The following SLC38A9 variants were observed in gnomAD, a reference collection of about 807,000 sequenced individuals.
SLC38A9 encodes the protein neutral amino acid transporter 9.
Under a neutral mutation model 62.3 loss-of-function variants are expected in SLC38A9, and 48 were observed. That is an observed-to-expected ratio of 0.77 (90% CI 0.61 to 0.98). The LOEUF is 0.98. SLC38A9 is among the 50% of genes least tolerant of loss of function. The pLI, the probability that SLC38A9 is intolerant of heterozygous loss-of-function variation, is 0.00. For synonymous variants in SLC38A9, 204 were observed against 227.7 expected, an observed-to-expected ratio of 0.90 and a Z score of 0.94; for missense variants, 541 against 679.8, an observed-to-expected ratio of 0.80 and a Z score of 2.27.
intron 2 of SLC38A9, among the ~76,000 whole-genome samples, chr5:55,702,078 C>T (rs921676161): frequency 5.3e-5 from 8 of 152,138 alleles, no homozygotes; most frequent in African/African-American, 1.9e-4. Context: ...CTAAATGTAA[C>T]ATTTATGAAA....
intron 10 of SLC38A9, among the ~76,000 whole-genome samples, chr5:55,652,032 TA>T (rs60466031): frequency 3.4e-5 from 5 of 145,894 alleles, no homozygotes; most frequent in East Asian, 2.0e-4. Flanking sequence ...CCAAACTCCA[TA>T]AAAAAAAATA....
chr5:55,667,572 T>C (rs201229378), intron 7 of SLC38A9, among the ~76,000 whole-genome samples: 1 of 149,246 alleles, frequency 6.7e-6, no homozygotes, highest in South Asian at 2.1e-4. Flanking sequence ...ACAGGATATG[T>C]TTTGATATAC....
At chr5:55,651,701 C>G (rs1412757261) in intron 10 of SLC38A9, among the ~76,000 whole-genome samples, 1 of 152,076 alleles carries the variant, frequency 6.6e-6, no homozygotes, top group African/African-American at 2.4e-5. Context: ...ACCTACGAAG[C>G]CTGAGATAGA....
chr5:55,675,781 G>A (rs1360043233), intron 3 of SLC38A9, among the ~76,000 whole-genome samples: 1 of 152,052 alleles, frequency 6.6e-6, no homozygotes, highest in East Asian at 1.9e-4. Flanking sequence ...TTTAATACAT[G>A]TATAAACAGA....
At chr5:55,677,740 G>A (rs185927943) in intron 3 of SLC38A9, among the ~76,000 whole-genome samples, 55 of 149,582 alleles carry the variant, frequency 3.7e-4, no homozygotes, top group African/African-American at 1.3e-3. Flanking sequence ...AGATGGGGCT[G>A]TTATGTTGCC....
intron 4 of SLC38A9, among the ~76,000 whole-genome samples, chr5:55,670,167 A>G (rs971034054): frequency 2.1e-4 from 31 of 146,388 alleles, no homozygotes; most frequent in African/African-American, 7.5e-4. Flanking sequence ...GGGTTTCACC[A>G]TGTTAGCCAG....
chr5:55,683,582 C>G (rs754579932), intron 3 of SLC38A9, among the ~76,000 whole-genome samples: 1 of 152,144 alleles, frequency 6.6e-6, no homozygotes, highest in African/African-American at 2.4e-5. Context: ...TTCCTAGACA[C>G]ATATATGTAC....
At position 55,673,781 on chromosome 5, in the gene SLC38A9, G is replaced by A. The variant is rs1284499048; in HGVS notation, c.114-1086C>T. The stretch of plus-strand genomic sequence containing the variant: ...GGCTGGAGTGCAGTGGTGCGATCTC[G>A]GCTCACTGCAACCTCCACCTCCTGA... On this transcript the variant is annotated intron_variant, in intron 3 of 15. Coordinates refer to ENST00000396865, the MANE Select transcript of SLC38A9 (RefSeq NM_173514.4). Among the ~76,000 whole-genome samples, 9 of 148,790 alleles carry A rather than the reference G, an allele frequency of 6.0e-5. No individual in the cohort carries two copies. In the South Asian group the frequency reaches 8.5e-4, roughly 14 times the overall value.
At chr5:55,675,339 A>T (rs1461192291) in intron 3 of SLC38A9, 1 of 152,246 alleles carries the variant, frequency 6.6e-6, no homozygotes, top group Non-Finnish European at 1.5e-5. Flanking sequence ...TGCCTGTTCA[A>T]ACAAATATTT....
chr5:55,665,141 T>A (rs1046553712), intron 7 of SLC38A9: 10 of 182,466 alleles, frequency 5.5e-5, no homozygotes, highest in Non-Finnish European at 1.1e-4. Context: ...GACAAATGCA[T>A]CAGTAAGGGC....
At chr5:55,640,698 G>A (rs1745321962) in intron 12 of SLC38A9, among the ~76,000 whole-genome samples, 1 of 152,130 alleles carries the variant, frequency 6.6e-6, no homozygotes, top group African/African-American at 2.4e-5. Flanking sequence ...AAATTACTAT[G>A]CAACCTGAAA....
chr5:55,694,628 T>C (rs1345085180), intron 3 of SLC38A9, among the ~76,000 whole-genome samples: 1 of 152,124 alleles, frequency 6.6e-6, no homozygotes, highest in Non-Finnish European at 1.5e-5. Flanking sequence ...ATTTTTATAA[T>C]TGCACAAGAA....
chr5:55,671,611 A>T (rs1338944496), intron 4 of SLC38A9, among the ~76,000 whole-genome samples: 3 of 150,566 alleles, frequency 2.0e-5, no homozygotes, highest in African/African-American at 7.3e-5. Flanking sequence ...TAATCCCAGC[A>T]CCTCAGGGTG....
At chr5:55,702,358 C>T (rs1413881895) in intron 2 of SLC38A9, among the ~76,000 whole-genome samples, 1 of 151,590 alleles carries the variant, frequency 6.6e-6, no homozygotes, top group Non-Finnish European at 1.5e-5. Context: ...ACCTCTTGGG[C>T]TCCAGTGATC....
chr5:55,659,062 T>C lies in SLC38A9; in HGVS notation c.698-2288A>G, dbSNP rs895387455. Reference sequence around the variant, plus strand: ...TTATCTCGAGATGCAGAATAAATACTTGATAAAATTCAACCACTTTAATAA... The same window carrying C: ...TTATCTCGAGATGCAGAATAAATACCTGATAAAATTCAACCACTTTAATAA... On this transcript the variant is annotated intron_variant, in intron 8 of 15. Transcript: ENST00000396865. Among the ~76,000 whole-genome samples the C allele has an allele frequency of 2.6e-5, 4 of 152,320 alleles. No individual in the cohort carries two copies. In the East Asian group the frequency reaches 7.7e-4, roughly 29 times the overall value.
intron 8 of SLC38A9, among the ~76,000 whole-genome samples, chr5:55,659,851 C>T (rs1260389189): frequency 6.6e-6 from 1 of 151,852 alleles, no homozygotes; most frequent in Non-Finnish European, 1.5e-5. Context: ...CTGCAAGCTC[C>T]GCCCCCCAGG....
In SLC38A9 at chr5:55,687,525, G is replaced by A. The variant is rs150035116; in HGVS notation, c.113+10321C>T. ...GCATTGAATCTATAAATTGCTTAGG[G>A]CAGTATGGCCATTTTAATGATATTG... is the stretch of plus-strand genomic sequence containing the variant. On this transcript the variant is annotated intron_variant, in intron 3 of 15. Transcript: ENST00000396865. 6.8e-3 allele frequency among the ~76,000 whole-genome samples: 1,035 copies of A among 151,960 alleles called. 12 individuals are homozygous for A. Among genetic ancestry groups the A allele is most frequent in the African/African-American group, 0.024 (997 of 41,420 alleles).
At position 55,683,777 on chromosome 5, in the gene SLC38A9, C is replaced by T. The variant is rs539046484; in HGVS notation, c.114-11082G>A. Among the ~76,000 whole-genome samples the T allele has an allele frequency of 9.2e-5, 14 of 152,242 alleles. No individual in the cohort carries two copies. In the South Asian group the frequency reaches 2.5e-3, roughly 27 times the overall value. On this transcript the variant is annotated intron_variant, in intron 3 of 15. Transcript: ENST00000396865. Reference sequence around the variant, plus strand: ...AACATTCCATTATATAAAAACACAACAATTTACTTATCCATTCCTGTGATG... The same window carrying T: ...AACATTCCATTATATAAAAACACAATAATTTACTTATCCATTCCTGTGATG...
intron 3 of SLC38A9, 83 bp from the exon 4 acceptor site, chr5:55,672,778 C>A: frequency 7.1e-7 from 1 of 1,409,560 alleles, no homozygotes; most frequent in South Asian, 1.3e-5. Context: ...ACTTCTTATC[C>A]TCCATTAGTA....
Sources: allele counts gnomAD v4.1 joint callset (sites outside exome capture counted in the v4.1 genomes callset), GRCh38; gene constraint gnomAD v4.1.1; transcripts MANE v1.5; gene names NCBI Gene and HGNC (gene_info 2026-07-23, HGNC 2026-07-21).